The following PHLPP1 variants were observed in gnomAD, a reference collection of about 807,000 sequenced individuals.
The protein encoded by PHLPP1 is PH domain leucine-rich repeat-containing protein phosphatase 1.
PHLPP1 carries 42 observed loss-of-function variants against 117.2 expected under a neutral mutation model. The ratio of observed to expected loss-of-function variants is 0.36; its 90% CI spans 0.28 to 0.46. The LOEUF (loss-of-function observed/expected upper bound fraction) is 0.46. Among genes scored for constraint, PHLPP1 ranks in the 20% least tolerant of loss-of-function variants. The pLI is 1.00. For missense variants in PHLPP1, 2,084 were observed against 2,241.9 expected (o/e 0.93, Z 1.42); for synonymous variants, 1,042 against 970.7 (o/e 1.07, Z -1.37).
intron 12 of PHLPP1, among the ~76,000 whole-genome samples, chr18:62,955,842 C>A (rs147747550): frequency 6.6e-6 from 1 of 152,130 alleles, no homozygotes; most frequent in Non-Finnish European, 1.5e-5. Flanking sequence ...CTAAATTACT[C>A]ACACTTATTA....
chr18:62,936,251 A>G (rs651761), intron 10 of PHLPP1, among the ~76,000 whole-genome samples: 90,692 of 152,032 alleles, frequency 0.6, 27,279 homozygotes, highest in Middle Eastern at 0.69. Flanking sequence ...TGATAGTAAT[A>G]AATTCTATCC....
At chr18:62,773,461 GT>G (rs1169365675) in intron 1 of PHLPP1, among the ~76,000 whole-genome samples, 1 of 152,168 alleles carries the variant, frequency 6.6e-6, no homozygotes, top group Non-Finnish European at 1.5e-5. Flanking sequence ...TCAGAGATGG[GT>G]GTTGTGAGAA....
At chr18:62,943,691 A>T (rs908699449) in intron 11 of PHLPP1, among the ~76,000 whole-genome samples, 5 of 152,178 alleles carry the variant, frequency 3.3e-5, no homozygotes, top group Non-Finnish European at 7.3e-5. Context: ...GCATCAAGCC[A>T]TTCATGTGGT....
chr18:62,763,291 T>C (rs769588540), intron 1 of PHLPP1, among the ~76,000 whole-genome samples: 5 of 152,160 alleles, frequency 3.3e-5, no homozygotes, highest in Non-Finnish European at 5.9e-5. Context: ...CTGAAATAAG[T>C]ATATAGTGTG....
chr18:62,794,813 A>G (rs183598544), intron 1 of PHLPP1, among the ~76,000 whole-genome samples: 10 of 152,338 alleles, frequency 6.6e-5, no homozygotes, highest in African/African-American at 2.4e-4. Context: ...CTTGTTATGT[A>G]AATGCTCCAA....
chr18:62,903,587 AG>A (rs1417451709), intron 7 of PHLPP1, among the ~76,000 whole-genome samples: 4 of 152,136 alleles, frequency 2.6e-5, no homozygotes, highest in Non-Finnish European at 2.9e-5. Flanking sequence ...TGACTAACAA[AG>A]AACTCACCTT....
At chr18:62,852,323 A>G (rs1489172095) in intron 3 of PHLPP1, among the ~76,000 whole-genome samples, 1 of 152,120 alleles carries the variant, frequency 6.6e-6, no homozygotes, top group Non-Finnish European at 1.5e-5. Context: ...TTATGAAGAT[A>G]TATGATGTAA....
At chr18:62,859,916 A>T (rs555209340) in intron 3 of PHLPP1, among the ~76,000 whole-genome samples, 1 of 152,304 alleles carries the variant, frequency 6.6e-6, no homozygotes, top group African/African-American at 2.4e-5. Context: ...ACTTGGCTCA[A>T]ATACTAAGTA....
At chr18:62,947,569 G>A (rs572911484) in intron 12 of PHLPP1, among the ~76,000 whole-genome samples, 15 of 152,196 alleles carry the variant, frequency 9.9e-5, no homozygotes, top group Non-Finnish European at 2.1e-4. Context: ...GTCTCTATGT[G>A]TGGTGCAGGT....
intron 1 of PHLPP1, among the ~76,000 whole-genome samples, chr18:62,824,588 T>G (rs958766341): frequency 6.6e-6 from 1 of 152,082 alleles, no homozygotes; most frequent in Non-Finnish European, 1.5e-5. Context: ...ACATCATATC[T>G]TATTTTATAC....
At chr18:62,835,223 G>A (rs1226406224) in intron 2 of PHLPP1, among the ~76,000 whole-genome samples, 2 of 145,650 alleles carry the variant, frequency 1.4e-5, no homozygotes, top group East Asian at 4.0e-4. Context: ...TTTTTTTTGA[G>A]ACAGAGTCTG....
At chr18:62,770,851 G>GA (rs1228635253) in intron 1 of PHLPP1, among the ~76,000 whole-genome samples, 4 of 152,134 alleles carry the variant, frequency 2.6e-5, no homozygotes, top group Non-Finnish European at 5.9e-5. Context: ...CACATAGTCT[G>GA]AAGGTAATTT....
At chr18:62,722,488 A>G (rs1910950568) in intron 1 of PHLPP1, among the ~76,000 whole-genome samples, 1 of 152,150 alleles carries the variant, frequency 6.6e-6, no homozygotes, top group African/African-American at 2.4e-5. Context: ...AGCCTGGGAA[A>G]ATGAAGTCTT....
chr18:62,827,763 G>C (rs1914649324), intron 1 of PHLPP1, among the ~76,000 whole-genome samples: 1 of 152,210 alleles, frequency 6.6e-6, no homozygotes, highest in African/African-American at 2.4e-5. Context: ...AGTATCTACT[G>C]ATGTATCCAT....
Position 62,975,492 on chromosome 18 carries a change from C to T in PHLPP1, c.3851C>T (p.Thr1284Ile). ...PVDPGGSFTL[T>I]SANVGKCQTV... ...GATCCAGGAGGATCCTTCACCTTGACCTCTGCTAATGTGGGCAAGTGCCAA... is the reference window on the plus strand; with the variant it reads ...GATCCAGGAGGATCCTTCACCTTGATCTCTGCTAATGTGGGCAAGTGCCAA... The change falls in exon 16 of 17, where the codon ACC becomes ATC. Residue 1284 changes from threonine to isoleucine, a missense_variant. Thr to Ile is a moderately conservative substitution (Grantham distance 89). Coordinates refer to ENST00000262719, the MANE Select transcript of PHLPP1 (RefSeq NM_194449.4). 1.2e-6 allele frequency: 2 copies of T among 1,613,702 alleles called. No individual in the cohort carries two copies. Among genetic ancestry groups the T allele is most frequent in the Non-Finnish European group, 1.7e-6 (2 of 1,179,578 alleles).
intron 1 of PHLPP1, among the ~76,000 whole-genome samples, chr18:62,735,765 C>T (rs1369187773): frequency 6.6e-6 from 1 of 152,092 alleles, no homozygotes; most frequent in Non-Finnish European, 1.5e-5. Context: ...TGCACAGTAT[C>T]TTCTTTATCT....
At position 62,942,864 on chromosome 18, in the gene PHLPP1, C is replaced by T. The variant is rs776372525; in HGVS notation, c.3161+946C>T. Among the ~76,000 whole-genome samples the T allele has an allele frequency of 3.9e-5, 6 of 151,962 alleles. No individual in the cohort carries two copies. The South Asian group carries it at 1.0e-3, about 26-fold the overall frequency. On this transcript the variant is annotated intron_variant, in intron 11 of 16. Transcript: ENST00000262719. ...GAGCCCTTGCTGAAGAAGGAAGGCC[C>T]GTGTATATGTTGACTTAAAGTATTG...
intron 1 of PHLPP1, among the ~76,000 whole-genome samples, chr18:62,812,379 GTCA>G (rs1201981142): frequency 6.6e-6 from 1 of 152,284 alleles, no homozygotes; most frequent in Admixed American, 6.5e-5. Context: ...GCTGTCTAGC[GTCA>G]TCATCCTGAT....
chr18:62,950,822 G>A lies in PHLPP1; in HGVS notation c.3324+5551G>A, dbSNP rs116705313. Among the ~76,000 whole-genome samples, 747 of 152,176 alleles carry A rather than the reference G, an allele frequency of 4.9e-3. 4 individuals carry two copies. The highest frequency in any genetic ancestry group is 0.017 in the African/African-American group (713 of 41,524). Reference sequence around the variant, plus strand: ...TCAATTCCTGTTTGGGACAAGGCTCGATACAAGGACTAAGGAAAGAGGAAG... The same window carrying A: ...TCAATTCCTGTTTGGGACAAGGCTCAATACAAGGACTAAGGAAAGAGGAAG... On this transcript the variant is annotated intron_variant, in intron 12 of 16. Transcript: ENST00000262719.
Sources: allele counts gnomAD v4.1 joint callset (sites outside exome capture counted in the v4.1 genomes callset), GRCh38; gene constraint gnomAD v4.1.1; transcripts MANE v1.5; gene names NCBI Gene and HGNC (gene_info 2026-07-23, HGNC 2026-07-21).